MAP3K20: variants seen among roughly 807,000 people sequenced by gnomAD.
The protein encoded by MAP3K20 is HCCS-4.
MAP3K20 carries 40 observed loss-of-function variants against 85.7 expected under a neutral mutation model. The observed-to-expected ratio is 0.47, with a 90% CI of 0.36 to 0.61. The LOEUF (loss-of-function observed/expected upper bound fraction) is 0.61. Among genes scored for constraint, MAP3K20 ranks in the 20% least tolerant of loss-of-function variants. MAP3K20 has a pLI of 0.00. For missense variants in MAP3K20, 817 were observed against 961.7 expected (o/e 0.85, Z 1.99); for synonymous variants, 325 against 327.7 (o/e 0.99, Z 0.09).
chr2:173,209,204 A>AT lies in MAP3K20; in HGVS notation c.745-516dup, dbSNP rs919590119. On this transcript the variant is annotated intron_variant, in intron 9 of 19. Transcript: ENST00000375213. ...CCCAGATAATCAGCATAGTACCTGA[A>AT]TTTTTTTTTCTGACAAACCAATTTG... Among the ~76,000 whole-genome samples the AT allele has an allele frequency of 1.7e-4, 26 of 151,820 alleles. No individual in the cohort carries two copies. The South Asian group carries it at 1.9e-3, about 11-fold the overall frequency.
Position 173,266,848 on chromosome 2 carries a change from GA to G in MAP3K20, c.*102del, listed in dbSNP as rs1685439270. The stretch of plus-strand genomic sequence containing the variant: ...TATGATCCCTTCAGATTGAATTAAC[GA>G]AAAGACAACACTTCCAGTTTTTGGA... On this transcript the variant is annotated 3_prime_UTR_variant, in exon 20 of 20. Transcript: ENST00000375213. The G allele has an allele frequency of 8.5e-7, 1 of 1,177,634 alleles. No homozygotes were observed. The highest frequency in any genetic ancestry group is 1.6e-5 in the African/African-American group (1 of 64,068). 72.9% of individuals were successfully genotyped at this position (1,177,634 alleles called of 1,614,324 possible).
At chr2:173,234,925 A>G (rs1373499591) in intron 14 of MAP3K20, among the ~76,000 whole-genome samples, 1 of 152,216 alleles carries the variant, frequency 6.6e-6, no homozygotes, top group Admixed American at 6.5e-5. Context: ...GGTTTTGAAA[A>G]AACAGGAGGG....
chr2:173,159,333 T>C (rs1689573976), intron 2 of MAP3K20, among the ~76,000 whole-genome samples: 3 of 104,422 alleles, frequency 2.9e-5, no homozygotes, highest in South Asian at 6.5e-4. Flanking sequence ...TACGGGTTGT[T>C]TCAATGTATT....
chr2:173,217,897 G>A (rs1042740417), intron 11 of MAP3K20, among the ~76,000 whole-genome samples: 5 of 152,100 alleles, frequency 3.3e-5, no homozygotes, highest in Non-Finnish European at 5.9e-5. Context: ...CATTTCACTG[G>A]TTATACACTA....
chr2:173,184,222 T>C (rs1349014839), intron 4 of MAP3K20, among the ~76,000 whole-genome samples: 1 of 152,222 alleles, frequency 6.6e-6, no homozygotes, highest in Admixed American at 6.5e-5. Flanking sequence ...TGTGCCTTTA[T>C]TGGAGGCTGC....
chr2:173,075,840 G>A (rs1686830547), upstream of MAP3K20: 4 of 985,206 alleles, frequency 4.1e-6, no homozygotes, highest in African/African-American at 5.2e-5. Flanking sequence ...TGCCGTGACT[G>A]TCTTCCTCAT....
chr2:173,265,131 C>G (rs1212470917), intron 19 of MAP3K20, among the ~76,000 whole-genome samples: 1 of 152,200 alleles, frequency 6.6e-6, no homozygotes, highest in Non-Finnish European at 1.5e-5. Context: ...CTTCAGAGCT[C>G]GGGGTCACCT....
chr2:173,153,832 A>G (rs889699364), intron 2 of MAP3K20, among the ~76,000 whole-genome samples: 2 of 152,216 alleles, frequency 1.3e-5, no homozygotes, highest in African/African-American at 4.8e-5. Flanking sequence ...ACATATTACA[A>G]TGTAAATGCT....
intron 18 of MAP3K20, 131 bp downstream of exon 18, chr2:173,261,268 C>G (rs1471081645): frequency 3.7e-6 from 3 of 806,748 alleles, no homozygotes; most frequent in Non-Finnish European, 5.7e-6. Flanking sequence ...GTAAACCAAC[C>G]AACATGAACA....
chr2:173,170,443 A>T (rs1689968347), intron 3 of MAP3K20, among the ~76,000 whole-genome samples: 1 of 152,254 alleles, frequency 6.6e-6, no homozygotes, highest in Non-Finnish European at 1.5e-5. Flanking sequence ...CAGCACATAG[A>T]AAGTTTTGCC....
chr2:173,081,830 T>C (rs1687022470), intron 1 of MAP3K20, among the ~76,000 whole-genome samples: 1 of 152,192 alleles, frequency 6.6e-6, no homozygotes, highest in African/African-American at 2.4e-5. Flanking sequence ...TACTTTATAG[T>C]AGATTAGTCA....
intron 12 of MAP3K20, among the ~76,000 whole-genome samples, chr2:173,231,002 A>T (rs1435095501): frequency 6.6e-6 from 1 of 152,192 alleles, no homozygotes; most frequent in Non-Finnish European, 1.5e-5. Flanking sequence ...TCTCAAAAAA[A>T]AAATTTTTTT....
intron 2 of MAP3K20, among the ~76,000 whole-genome samples, chr2:173,099,803 GT>G (rs1419403765): frequency 6.6e-6 from 1 of 152,188 alleles, no homozygotes; most frequent in Non-Finnish European, 1.5e-5. Flanking sequence ...TGCCACCTAA[GT>G]TTTCATGTGA....
At chr2:173,092,651 A>G (rs572498308) in intron 2 of MAP3K20, among the ~76,000 whole-genome samples, 16 of 152,320 alleles carry the variant, frequency 1.1e-4, no homozygotes, top group African/African-American at 3.6e-4. Context: ...TATATATGCT[A>G]ATATTTTAGC....
intron 18 of MAP3K20, among the ~76,000 whole-genome samples, chr2:173,263,302 G>T (rs1685337346): frequency 6.6e-6 from 1 of 152,106 alleles, no homozygotes; most frequent in South Asian, 2.1e-4. Flanking sequence ...TTCAGTCTTA[G>T]GCAAACATGG....
At chr2:173,224,770 T>G (rs1191730512) in intron 11 of MAP3K20, 3 of 985,278 alleles carry the variant, frequency 3.0e-6, no homozygotes, top group Non-Finnish European at 3.6e-6. Flanking sequence ...ATAATCAGAA[T>G]TCTATAGTGT....
intron 12 of MAP3K20, among the ~76,000 whole-genome samples, chr2:173,231,761 G>A (rs1001510562): frequency 2.0e-5 from 3 of 152,166 alleles, no homozygotes; most frequent in Admixed American, 1.3e-4. Context: ...CTGGGGCCAC[G>A]TGGCTACTTC....
At chr2:173,141,793 A>G (rs559076063) in intron 2 of MAP3K20, among the ~76,000 whole-genome samples, 13 of 152,322 alleles carry the variant, frequency 8.5e-5, no homozygotes, top group Middle Eastern at 3.4e-3. Context: ...TTAAACTGCT[A>G]AAAATCATTG....
At chr2:173,151,820 A>G (rs1689316917) in intron 2 of MAP3K20, among the ~76,000 whole-genome samples, 1 of 152,214 alleles carries the variant, frequency 6.6e-6, no homozygotes, top group African/African-American at 2.4e-5. Context: ...TATGGACTAA[A>G]TGAGTTAATG....
Sources: allele counts gnomAD v4.1 joint callset (sites outside exome capture counted in the v4.1 genomes callset), GRCh38; gene constraint gnomAD v4.1.1; transcripts MANE v1.5; gene names NCBI Gene and HGNC (gene_info 2026-07-23, HGNC 2026-07-21).